PCIF1: variants seen among roughly 807,000 people sequenced by gnomAD.
PCIF1 encodes phosphorylated CTD interacting factor 1.
In PCIF1, 12 loss-of-function variants were observed where a neutral mutation model predicts 86.9. The observed-to-expected ratio is 0.14, with a 90% CI of 0.09 to 0.22. PCIF1 has a LOEUF of 0.22. Ranked by LOEUF, PCIF1 falls within the 10% of genes least tolerant of loss-of-function variation. The pLI is 1.00. For synonymous variants in PCIF1, 397 were observed against 372.0 expected, an observed-to-expected ratio of 1.07 and a Z score of -0.77; for missense variants, 701 against 951.1, an observed-to-expected ratio of 0.74 and a Z score of 3.46.
chr20:45,943,618 G>T lies in PCIF1; in HGVS notation c.906-48G>T, dbSNP rs573816351. On this transcript the variant is annotated intron_variant, in intron 9 of 16. Coordinates refer to ENST00000372409, the MANE Select transcript of PCIF1 (RefSeq NM_022104.4). The surrounding 1 kb of genome is among the most constrained non-coding windows in gnomAD (Gnocchi z 5.5). ...CGAGCCCATGGAATTGGGATGAGGA[G>T]GGTGGAGCCAAGCCATTCCTTTCTT... is the stretch of plus-strand genomic sequence containing the variant. The T allele has an allele frequency of 2.0e-6, 3 of 1,515,056 alleles. No homozygotes were observed. In the South Asian group the frequency reaches 3.6e-5, roughly 18 times the overall value. 93.9% of individuals were successfully genotyped at this position (1,515,056 alleles called of 1,614,324 possible). A position where few individuals can be genotyped will look rare whatever the true frequency, so the allele number is the denominator to read the frequency against.
At position 45,943,913 on chromosome 20, in the gene PCIF1, C is replaced by T. The variant is rs1568795182; in HGVS notation, c.1005+148C>T. 4 of 610,430 alleles carry T rather than the reference C, an allele frequency of 6.6e-6. No homozygotes were observed. The highest frequency in any genetic ancestry group is 1.2e-5 in the Non-Finnish European group (4 of 345,446). The allele number at this position is 610,430 out of a possible 1,614,324, so 37.8% of individuals were successfully genotyped here. On this transcript the variant is annotated intron_variant, in intron 10 of 16. Transcript: ENST00000372409. The surrounding 1 kb of genome is among the most constrained non-coding windows in gnomAD (Gnocchi z 5.5). Reference sequence around the variant, plus strand: ...GGCAGACGTTCGACATTCGTCAGTCCCCAAACTCATGACTGTGGAGATGTT... The same window carrying T: ...GGCAGACGTTCGACATTCGTCAGTCTCCAAACTCATGACTGTGGAGATGTT...
intron 1 of PCIF1, among the ~76,000 whole-genome samples, chr20:45,937,039 C>A (rs2083432729): frequency 3.3e-5 from 1 of 29,870 alleles, no homozygotes; most frequent in Non-Finnish European, 1.5e-4. Flanking sequence ...GTTGCCAAAG[C>A]CACGTGCCCA....
chr20:45,945,008 C>T lies in PCIF1; in HGVS notation c.1146C>T (p.Ile382=). The T allele has an allele frequency of 1.9e-6, 3 of 1,612,690 alleles. No individual in the cohort carries two copies. Among genetic ancestry groups the T allele is most frequent in the Non-Finnish European group, 2.5e-6 (3 of 1,179,418 alleles). Reference sequence around the variant, plus strand: ...GGATCCGAGAGAAGCACCTTGCCATCCTCAAGGAAAACAACATCTCAGGTA... The same window carrying T: ...GGATCCGAGAGAAGCACCTTGCCATTCTCAAGGAAAACAACATCTCAGGTA... ...VKRIREKHLA[I]LKENNISEEV... The change falls in exon 11 of 17, where the codon ATC becomes ATT. Residue 382 remains isoleucine, a synonymous_variant. Transcript: ENST00000372409.
At chr20:45,940,987 C>T in intron 6 of PCIF1, 48 bp downstream of exon 6, 2 of 1,614,074 alleles carry the variant, frequency 1.2e-6, no homozygotes, top group Non-Finnish European at 1.7e-6. Context: ...TAATGTCAGC[C>T]TGTCTGGGAC....
chr20:45,940,675 T>C, intron 5 of PCIF1, 63 bp downstream of exon 5: 1 of 1,575,516 alleles, frequency 6.3e-7, no homozygotes, highest in East Asian at 2.2e-5. Flanking sequence ...GCCTGCAGGC[T>C]CCCTGCAGGG....
At chr20:45,941,299 G>C in intron 7 of PCIF1, 92 bp downstream of exon 7, 1 of 1,455,798 alleles carries the variant, frequency 6.9e-7, no homozygotes, top group Non-Finnish European at 9.3e-7. Flanking sequence ...GGCGGAGTGG[G>C]GCCCAGTGGT....
At position 45,943,478 on chromosome 20, in the gene PCIF1, A is replaced by C. The variant is rs1056962005; in HGVS notation, c.905+55A>C. The C allele has an allele frequency of 2.9e-4, 441 of 1,546,304 alleles. 3 individuals are homozygous for C. In the Middle Eastern group the frequency reaches 4.2e-3, roughly 15 times the overall value. ...GGGTCTGTGATTAAAGTGGCAGGTC[A>C]TAGGCCATCTTGCCCAGTCTCATGC... On this transcript the variant is annotated intron_variant, in intron 9 of 16. Coordinates refer to ENST00000372409, the MANE Select transcript of PCIF1 (RefSeq NM_022104.4). This position sits in a 1 kb window ranked among gnomAD's most constrained non-coding sequence, Gnocchi z 5.5.
intron 1 of PCIF1, among the ~76,000 whole-genome samples, chr20:45,935,562 G>A (rs1198521495): frequency 6.6e-6 from 1 of 152,184 alleles, no homozygotes; most frequent in Non-Finnish European, 1.5e-5. Flanking sequence ...AAGCCGGAAA[G>A]CAGAAGGGCC....
chr20:45,940,647 G>A (rs376557411), intron 5 of PCIF1, 35 bp downstream of exon 5: 11 of 1,586,126 alleles, frequency 6.9e-6, no homozygotes, highest in African/African-American at 4.1e-5. Flanking sequence ...GCTGCCGAGC[G>A]GCCGGCTCAG....
intron 4 of PCIF1, 49 bp downstream of exon 4, chr20:45,939,388 T>C (rs778058308): frequency 1.2e-6 from 2 of 1,607,352 alleles, no homozygotes; most frequent in South Asian, 2.2e-5. Context: ...CTCTGGCACC[T>C]GGGCCTTCCC....
intron 1 of PCIF1, among the ~76,000 whole-genome samples, chr20:45,935,613 C>T (rs1320770747): frequency 6.6e-6 from 1 of 152,088 alleles, no homozygotes; most frequent in African/African-American, 2.4e-5. Flanking sequence ...GGTACTTCGG[C>T]CACAGACCTG....
chr20:45,936,236 G>A (rs2083424383), intron 1 of PCIF1, among the ~76,000 whole-genome samples: 2 of 151,700 alleles, frequency 1.3e-5, no homozygotes, highest in African/African-American at 4.8e-5. Flanking sequence ...GTGCAGTGGC[G>A]CGATCTCAGC....
intron 7 of PCIF1, among the ~76,000 whole-genome samples, chr20:45,941,669 A>T (rs1335180661): frequency 6.6e-6 from 1 of 152,036 alleles, no homozygotes; most frequent in Admixed American, 6.5e-5. Context: ...GATGTTGGCC[A>T]GGCTGGTCCT....
intron 2 of PCIF1, among the ~76,000 whole-genome samples, chr20:45,938,771 T>C (rs2083445989): frequency 6.6e-6 from 1 of 151,922 alleles, no homozygotes; most frequent in South Asian, 2.1e-4. Flanking sequence ...GGAGGGGCAT[T>C]TCAGGCAGAG....
chr20:45,941,818 C>T (rs1351738714), intron 7 of PCIF1, among the ~76,000 whole-genome samples: 1 of 151,334 alleles, frequency 6.6e-6, no homozygotes, highest in African/African-American at 2.4e-5. Context: ...TACTCCTGGG[C>T]TCAAGCCTTC....
Position 45,946,103 on chromosome 20 carries a change from C to T in PCIF1, c.1416C>T (p.Leu472=), listed in dbSNP as rs781376703. Residue 472 remains leucine (L), a synonymous_variant, in exon 13 of 17, where the codon CTC becomes CTT. Transcript: ENST00000372409. ...ERFLPRVWCL[L]RRYQMMFGVG... is the part of the protein sequence containing the mutation. ...TCCTGCCCCGGGTCTGGTGTCTTCT[C>T]CGACGGTACCAGGTACAGGCCTGGG... is the stretch of plus-strand genomic sequence containing the variant. 6.2e-7 allele frequency: 1 copy of T among 1,614,066 alleles called. No individual in the cohort carries two copies. Among genetic ancestry groups the T allele is most frequent in the Non-Finnish European group, 8.5e-7 (1 of 1,180,042 alleles).
intron 14 of PCIF1, 105 bp downstream of exon 14, chr20:45,946,489 C>A: frequency 2.4e-6 from 3 of 1,257,974 alleles, no homozygotes; most frequent in Non-Finnish European, 3.4e-6. Context: ...GGGTGGAGTC[C>A]CTGCCTCCAC....
At position 45,939,135 on chromosome 20, in the gene PCIF1, G is replaced by T. The variant is rs764625178; in HGVS notation, c.124+12G>T. On this transcript the variant is annotated intron_variant, in intron 3 of 16. Coordinates refer to ENST00000372409, the MANE Select transcript of PCIF1 (RefSeq NM_022104.4). ...TCAGGACCTCCCAGGTACTGAGGGG[G>T]AGCAGTAGTGGGGTGGTGGGGTAGG... 7 of 1,614,114 alleles carry T rather than the reference G, an allele frequency of 4.3e-6. No individual in the cohort carries two copies. The South Asian group carries it at 5.5e-5, about 13-fold the overall frequency.
chr20:45,945,110 C>T (rs1568796021), intron 11 of PCIF1, 80 bp downstream of exon 11: 2 of 1,462,372 alleles, frequency 1.4e-6, no homozygotes, highest in Non-Finnish European at 9.1e-7. Flanking sequence ...GAGACTGAGC[C>T]TCAAGGCCAG....
Sources: gnomAD v4.1 joint callset for allele counts (sites outside exome capture counted in the v4.1 genomes callset) on GRCh38, gnomAD v4.1.1 for gene constraint, Gnocchi (gnomAD v3.1) non-coding constraint, MANE v1.5 for transcripts, NCBI Gene and HGNC (gene_info 2026-07-23, HGNC 2026-07-21) for gene names.